Variants in NRXN3 observed in about 807,000 individuals in gnomAD.
The protein encoded by NRXN3 is neurexin 3, also known as neurexin III.
A neutral mutation model predicts 137.6 loss-of-function variants in NRXN3; 32 were observed. That is an observed-to-expected ratio of 0.23 (90% CI 0.18 to 0.31). NRXN3 has a LOEUF of 0.31. Ranked by LOEUF, NRXN3 falls within the 10% of genes least tolerant of loss-of-function variation. The probability of loss-of-function intolerance (pLI) is 1.00; values close to 1 mark genes in which losing one functional copy is unlikely to be tolerated. For synonymous variants in NRXN3, 798 were observed against 784.5 expected (o/e 1.02, Z -0.29); for missense variants, 1,574 against 2,062.5 (o/e 0.76, Z 4.59).
chr14:79,726,767 C>G (rs1477186589), intron 19 of NRXN3, among the ~76,000 whole-genome samples: 4 of 152,026 alleles, frequency 2.6e-5, no homozygotes, highest in African/African-American at 9.7e-5. Flanking sequence ...TGAAAAACTC[C>G]CTGGGTTTTG....
At chr14:79,448,514 A>G (rs2096107129) in intron 15 of NRXN3, among the ~76,000 whole-genome samples, 1 of 152,266 alleles carries the variant, frequency 6.6e-6, no homozygotes, top group Non-Finnish European at 1.5e-5. Flanking sequence ...TAGAAGGAGC[A>G]TAATAAATAT....
chr14:78,583,906 A>G (rs1222271858), intron 4 of NRXN3, among the ~76,000 whole-genome samples: 1 of 152,186 alleles, frequency 6.6e-6, no homozygotes, highest in Non-Finnish European at 1.5e-5. Context: ...TGTCTGCCAC[A>G]AATAACACAG....
intron 8 of NRXN3, among the ~76,000 whole-genome samples, chr14:78,778,670 C>CTCTTTTCTTT (rs769183868): frequency 2.0e-4 from 28 of 139,506 alleles, no homozygotes; most frequent in Admixed American, 1.5e-3. Flanking sequence ...CTTTTCTTTT[C>CTCTTTTCTTT]TCTTTTCTTT....
intron 15 of NRXN3, among the ~76,000 whole-genome samples, chr14:79,157,736 G>C (rs2060382111): frequency 6.6e-6 from 1 of 151,814 alleles, no homozygotes; most frequent in African/African-American, 2.4e-5. Context: ...ATTCTTACCT[G>C]TTAGACTGGT....
chr14:78,942,317 T>C (rs1481065409), intron 10 of NRXN3, among the ~76,000 whole-genome samples: 2 of 152,236 alleles, frequency 1.3e-5, no homozygotes, highest in African/African-American at 4.8e-5. Flanking sequence ...AGAAGCCCTG[T>C]CTCTGACTCT....
At chr14:79,109,707 C>G (rs4542593) in intron 15 of NRXN3, among the ~76,000 whole-genome samples, 146,468 of 152,162 alleles carry the variant, frequency 0.96, 70,624 homozygotes, top group Middle Eastern at 0.99. Context: ...ATTGTACAAG[C>G]TATTTTTAAT....
At chr14:79,126,500 G>A (rs1314207419) in intron 15 of NRXN3, among the ~76,000 whole-genome samples, 1 of 152,098 alleles carries the variant, frequency 6.6e-6, no homozygotes, top group South Asian at 2.1e-4. Flanking sequence ...CAAAGGACAT[G>A]AACTCATCAT....
intron 15 of NRXN3, among the ~76,000 whole-genome samples, chr14:79,110,417 A>C (rs1181587197): frequency 6.6e-6 from 1 of 152,224 alleles, no homozygotes; most frequent in East Asian, 1.9e-4. Flanking sequence ...TGCTGCTTGC[A>C]GAATGAACTG....
At chr14:79,377,471 C>T (rs1327308841) in intron 15 of NRXN3, among the ~76,000 whole-genome samples, 3 of 151,964 alleles carry the variant, frequency 2.0e-5, no homozygotes, top group African/African-American at 2.4e-5. Context: ...AGAAGTATGT[C>T]GGCTGTGCAT....
chr14:78,555,814 T>C (rs542199287), intron 4 of NRXN3, among the ~76,000 whole-genome samples: 51 of 152,326 alleles, frequency 3.3e-4, no homozygotes, highest in African/African-American at 1.2e-3. Flanking sequence ...TGTGCCAAGA[T>C]GGTGGCAAGG....
chr14:78,467,271 T>C (rs914381135), intron 4 of NRXN3, among the ~76,000 whole-genome samples: 2 of 152,210 alleles, frequency 1.3e-5, no homozygotes, highest in Non-Finnish European at 2.9e-5. Context: ...CCCTAGTCTG[T>C]GTTAAATTGT....
intron 8 of NRXN3, among the ~76,000 whole-genome samples, chr14:78,768,652 C>A (rs569472895): frequency 4.7e-4 from 72 of 152,196 alleles, no homozygotes; most frequent in Admixed American, 9.8e-4. Flanking sequence ...TGTCAGGAAA[C>A]TGTGTCTGAA....
At chr14:78,563,553 C>T (rs113362455) in intron 4 of NRXN3, among the ~76,000 whole-genome samples, 5 of 152,254 alleles carry the variant, frequency 3.3e-5, no homozygotes, top group Non-Finnish European at 5.9e-5. Context: ...GCTTGCTGGG[C>T]GTTAAGCACA....
rs73308584 is a variant in NRXN3 at position 78,233,191 on chromosome 14, C to G, written c.-703-9200C>G. 7.5e-3 allele frequency among the ~76,000 whole-genome samples: 1,144 copies of G among 152,200 alleles called. 11 individuals carry two copies. Among genetic ancestry groups the G allele is most frequent in the African/African-American group, 0.025 (1,048 of 41,526 alleles). Reference sequence around the variant, plus strand: ...TTGTGTAGTCTTTGATGTGCACATCCTGGAAGGTGTATTCATTGTTCTTCC... The same window carrying G: ...TTGTGTAGTCTTTGATGTGCACATCGTGGAAGGTGTATTCATTGTTCTTCC... On this transcript the variant is annotated intron_variant, in intron 1 of 20. Transcript: ENST00000335750.
rs553606764 is a variant in NRXN3, at chr14:79,644,621, A to G, written c.3445-19157A>G. On this transcript the variant is annotated intron_variant, in intron 16 of 20. Transcript: ENST00000335750. The stretch of plus-strand genomic sequence containing the variant: ...TGATTTTCTCTGATGAAAGAAATGG[A>G]TAAGTATGAAATGAAGCATTTACTA... Among the ~76,000 whole-genome samples the G allele has an allele frequency of 2.1e-4, 28 of 136,434 alleles. 2 individuals are homozygous for G. Among genetic ancestry groups the G allele is most frequent in the African/African-American group, 6.6e-4 (27 of 40,960 alleles). The allele number at this position is 136,434 out of a possible 152,430, so 89.5% of individuals were successfully genotyped here.
At chr14:78,207,292 T>G (rs1024328596) in intron 1 of NRXN3, among the ~76,000 whole-genome samples, 2 of 152,170 alleles carry the variant, frequency 1.3e-5, no homozygotes, top group Admixed American at 1.3e-4. Flanking sequence ...TTAAATGTCT[T>G]TCTCCAGAGC....
At chr14:79,230,891 A>T (rs2072057601) in intron 15 of NRXN3, among the ~76,000 whole-genome samples, 1 of 152,082 alleles carries the variant, frequency 6.6e-6, no homozygotes, top group Admixed American at 6.6e-5. Flanking sequence ...TGGGGAGAAA[A>T]AAAAACTGTC....
intron 15 of NRXN3, among the ~76,000 whole-genome samples, chr14:79,088,668 G>C (rs769698223): frequency 1.3e-5 from 2 of 152,106 alleles, no homozygotes; most frequent in Non-Finnish European, 2.9e-5. Context: ...GTATAAAAAA[G>C]AGGGTAAACT....
chr14:78,631,036 G>A (rs141386379), intron 4 of NRXN3, among the ~76,000 whole-genome samples: 1 of 152,216 alleles, frequency 6.6e-6, no homozygotes, highest in East Asian at 1.9e-4. Context: ...TTATTTTAAT[G>A]GCATTCTGTT....
Sources: gnomAD v4.1 joint callset for allele counts (sites outside exome capture counted in the v4.1 genomes callset) on GRCh38, gnomAD v4.1.1 for gene constraint, MANE v1.5 for transcripts, NCBI Gene and HGNC (gene_info 2026-07-23, HGNC 2026-07-21) for gene names.